The following EHMT1 variants were observed in gnomAD, a reference collection of about 807,000 sequenced individuals.
EHMT1 encodes the protein euchromatic histone lysine methyltransferase 1, also known as histone-lysine N-methyltransferase EHMT1.
In EHMT1, 15 loss-of-function variants were observed where a neutral mutation model predicts 147.2. The observed-to-expected ratio is 0.10, with a 90% CI of 0.07 to 0.16. The LOEUF (loss-of-function observed/expected upper bound fraction) is 0.16. Ranked by LOEUF, EHMT1 falls within the 10% of genes least tolerant of loss-of-function variation. EHMT1 has a pLI of 1.00. For missense variants in EHMT1, 1,587 were observed against 1,772.4 expected (o/e 0.90, Z 1.88); for synonymous variants, 795 against 709.6 (o/e 1.12, Z -1.91).
intron 1 of EHMT1, among the ~76,000 whole-genome samples, chr9:137,671,030 G>T (rs1167835612): frequency 6.6e-6 from 1 of 152,180 alleles, no homozygotes; most frequent in Non-Finnish European, 1.5e-5. Context: ...GTGGTTGAAT[G>T]TAACAGAGGG....
At chr9:137,733,538 T>A (rs1201379781) in intron 4 of EHMT1, among the ~76,000 whole-genome samples, 1 of 152,152 alleles carries the variant, frequency 6.6e-6, no homozygotes, top group Non-Finnish European at 1.5e-5. Flanking sequence ...TTAATTTCAG[T>A]CAGTTTCAGC....
Position 137,834,862 on chromosome 9 carries a change from C to T in EHMT1, c.3806C>T (p.Ala1269Val). 6.2e-7 allele frequency: 1 copy of T among 1,611,620 alleles called. No homozygotes were observed. The highest frequency in any genetic ancestry group is 1.1e-5 in the South Asian group (1 of 91,010). Residue 1269 changes from alanine (A) to valine (V), a missense_variant, in exon 27 of 27, where the codon GCC (alanine) becomes GTC (valine). Coordinates refer to ENST00000460843, the MANE Select transcript of EHMT1 (RefSeq NM_024757.5). Reference protein sequence around the residue: ...GSPKCRHSSAALAQRQASAAQ... With the variant: ...GSPKCRHSSAVLAQRQASAAQ... ...CCCAAGTGCCGGCACTCGAGCGCGGCCCTGGCCCAGCGTCAGGCCAGCGCG... is the reference window on the plus strand; with the variant it reads ...CCCAAGTGCCGGCACTCGAGCGCGGTCCTGGCCCAGCGTCAGGCCAGCGCG...
intron 1 of EHMT1, among the ~76,000 whole-genome samples, chr9:137,705,093 G>C (rs530012007): frequency 3.4e-4 from 51 of 151,966 alleles, no homozygotes; most frequent in South Asian, 4.2e-4. Flanking sequence ...TGGTTCAAGG[G>C]AACCTCCCAC....
chr9:137,711,129 C>T, intron 2 of EHMT1, 99 bp downstream of exon 2: 2 of 1,295,466 alleles, frequency 1.5e-6, no homozygotes, highest in Non-Finnish European at 2.1e-6. Flanking sequence ...TTCTGACTTT[C>T]TTTGCTTCAC....
intron 1 of EHMT1, among the ~76,000 whole-genome samples, chr9:137,664,139 A>C (rs776822139): frequency 2.0e-4 from 30 of 152,210 alleles, no homozygotes; most frequent in Non-Finnish European, 4.0e-4. Flanking sequence ...TCCTGGGCTC[A>C]AGTGATCCTG....
At chr9:137,715,644 G>C in intron 2 of EHMT1, 1 of 985,450 alleles carries the variant, frequency 1.0e-6, no homozygotes, top group Non-Finnish European at 1.2e-6. Context: ...GAGTGTGTGT[G>C]TCAATCTCGT....
chr9:137,726,194 G>A (rs1378353301), intron 3 of EHMT1, among the ~76,000 whole-genome samples: 4 of 152,120 alleles, frequency 2.6e-5, no homozygotes, highest in South Asian at 2.1e-4. Context: ...TCACGCTGCC[G>A]TGCAGCCATC....
At chr9:137,711,526 G>A (rs1185468389) in intron 2 of EHMT1, among the ~76,000 whole-genome samples, 3 of 152,164 alleles carry the variant, frequency 2.0e-5, no homozygotes, top group Non-Finnish European at 4.4e-5. Context: ...AGGGCCACAA[G>A]CTGCATGACT....
chr9:137,731,173 C>T lies in EHMT1; in HGVS notation c.823+2644C>T, dbSNP rs766665481. On this transcript the variant is annotated intron_variant, in intron 4 of 26. Coordinates refer to ENST00000460843, the MANE Select transcript of EHMT1 (RefSeq NM_024757.5). The surrounding 1 kb of genome is among the most constrained non-coding windows in gnomAD (Gnocchi z 4.3). The stretch of plus-strand genomic sequence containing the variant: ...CTTCCTCCACCACCCCTTCCTTATC[C>T]GTAACCTGGAAGTGGGTGGTCCATC... Among the ~76,000 whole-genome samples, 2 of 152,200 alleles carry T rather than the reference C, an allele frequency of 1.3e-5. No homozygotes were observed. The highest frequency in any genetic ancestry group is 1.5e-5 in the Non-Finnish European group (1 of 68,034).
chr9:137,795,604 C>T (rs1260049571), intron 16 of EHMT1, among the ~76,000 whole-genome samples: 2 of 152,086 alleles, frequency 1.3e-5, no homozygotes, highest in African/African-American at 4.8e-5. Context: ...CAGACAGTGG[C>T]CCCGGCTGGG....
chr9:137,677,570 C>G (rs1485106734), intron 1 of EHMT1, among the ~76,000 whole-genome samples: 1 of 151,902 alleles, frequency 6.6e-6, no homozygotes, highest in Non-Finnish European at 1.5e-5. Flanking sequence ...GGACTATAGG[C>G]GCCCGCCACC....
rs764665478 is a variant in EHMT1 at position 137,818,047 on chromosome 9, G to T, written c.3462-13G>T. 1 of 1,613,884 alleles carries T rather than the reference G, an allele frequency of 6.2e-7. No individual in the cohort carries two copies. Among genetic ancestry groups the T allele is most frequent in the African/African-American group, 1.3e-5 (1 of 74,898 alleles). On this transcript the variant is annotated splice_polypyrimidine_tract_variant and intron_variant, in intron 24 of 26. Transcript: ENST00000460843. ...TGCCTTCCAGGGCCTCACCTGCACC[G>T]CACCCTCTGCAGGTATGTTGGGGAG...
chr9:137,764,936 C>G (rs1460179560), intron 10 of EHMT1, among the ~76,000 whole-genome samples: 1 of 152,198 alleles, frequency 6.6e-6, no homozygotes, highest in Non-Finnish European at 1.5e-5. Context: ...TTCCTATAGC[C>G]TGAAAGTTAG....
At chr9:137,635,990 C>T (rs907971691) in intron 1 of EHMT1, among the ~76,000 whole-genome samples, 1 of 150,918 alleles carries the variant, frequency 6.6e-6, no homozygotes, top group African/African-American at 2.4e-5. Context: ...GGTACGATCT[C>T]GGTTCACTGC....
At chr9:137,656,970 G>A (rs1045197193) in intron 1 of EHMT1, among the ~76,000 whole-genome samples, 13 of 152,078 alleles carry the variant, frequency 8.5e-5, no homozygotes, top group African/African-American at 3.1e-4. Flanking sequence ...TGAACTCTTG[G>A]CCTTAAGTGA....
intron 2 of EHMT1, among the ~76,000 whole-genome samples, chr9:137,712,358 C>T (rs1944820259): frequency 6.6e-6 from 1 of 152,216 alleles, no homozygotes; most frequent in African/African-American, 2.4e-5. Flanking sequence ...ACGGCCTCTC[C>T]ACCCTGGGGG....
At chr9:137,761,947 C>T (rs1949857964) in intron 9 of EHMT1, among the ~76,000 whole-genome samples, 1 of 152,258 alleles carries the variant, frequency 6.6e-6, no homozygotes, top group Non-Finnish European at 1.5e-5. Flanking sequence ...CCACCCCCGC[C>T]CCTGCTGCTC....
intron 1 of EHMT1, among the ~76,000 whole-genome samples, chr9:137,703,304 A>G (rs1206833154): frequency 6.6e-6 from 1 of 152,234 alleles, no homozygotes; most frequent in East Asian, 1.9e-4. Flanking sequence ...AAATTTCTGT[A>G]GCTGGCTTGA....
chr9:137,775,263 A>T lies in EHMT1; in HGVS notation c.1791+11A>T. The T allele has an allele frequency of 6.2e-7, 1 of 1,607,902 alleles. No homozygotes were observed. Among genetic ancestry groups the T allele is most frequent in the South Asian group, 1.1e-5 (1 of 90,996 alleles). On this transcript the variant is annotated intron_variant, in intron 11 of 26. Coordinates refer to ENST00000460843, the MANE Select transcript of EHMT1 (RefSeq NM_024757.5). The surrounding 1 kb of genome is among the most constrained non-coding windows in gnomAD (Gnocchi z 6.1). ...TACTTCTGCACAGCGGTAAGAGCCC[A>T]GTCCGGCAGCCTCTGAGTCCTCCGC...
Sources: allele counts gnomAD v4.1 joint callset (sites outside exome capture counted in the v4.1 genomes callset), GRCh38; gene constraint gnomAD v4.1.1; non-coding constraint Gnocchi (gnomAD v3.1); transcripts MANE v1.5; gene names NCBI Gene and HGNC (gene_info 2026-07-23, HGNC 2026-07-21).